The following TMEM117 variants were observed in gnomAD, a reference collection of about 807,000 sequenced individuals.
TMEM117 encodes transmembrane protein 117.
A neutral mutation model predicts 52.4 loss-of-function variants in TMEM117; 27 were observed. The ratio of observed to expected loss-of-function variants is 0.51; its 90% CI spans 0.38 to 0.71. The LOEUF is 0.71. TMEM117 is among the 30% of genes least tolerant of loss of function. The probability of loss-of-function intolerance (pLI) is 0.00; values close to 1 mark genes in which losing one functional copy is unlikely to be tolerated. For synonymous variants in TMEM117, 215 were observed against 206.3 expected, an observed-to-expected ratio of 1.04 and a Z score of -0.36; for missense variants, 556 against 630.5, an observed-to-expected ratio of 0.88 and a Z score of 1.26.
intron 3 of TMEM117, among the ~76,000 whole-genome samples, chr12:44,092,806 A>C (rs538169954): frequency 2.6e-4 from 40 of 152,302 alleles, no homozygotes; most frequent in African/African-American, 8.2e-4. Flanking sequence ...CAGGGGGTGA[A>C]CCATACAAGG....
intron 5 of TMEM117, among the ~76,000 whole-genome samples, chr12:44,239,033 T>C (rs1465823257): frequency 3.3e-5 from 5 of 152,172 alleles, no homozygotes; most frequent in Admixed American, 2.0e-4. Flanking sequence ...TCTGCATTAA[T>C]ATAGGTTTCT....
rs191203162 is a variant in TMEM117, at chr12:44,187,095, C to T, written c.511-24195C>T. Among the ~76,000 whole-genome samples the T allele has an allele frequency of 2.6e-3, 392 of 152,224 alleles. 3 individuals are homozygous for T. Among genetic ancestry groups the T allele is most frequent in the African/African-American group, 8.9e-3 (370 of 41,540 alleles). The stretch of plus-strand genomic sequence containing the variant: ...CTCAAGGCAGACAAGTTTTCTACTA[C>T]GTATTAGTTTCTTGCACAGATGGAC... On this transcript the variant is annotated intron_variant, in intron 4 of 7. Coordinates refer to ENST00000266534, the MANE Select transcript of TMEM117 (RefSeq NM_032256.3).
At chr12:44,043,086 G>A (rs2137902599) in intron 3 of TMEM117, among the ~76,000 whole-genome samples, 1 of 152,286 alleles carries the variant, frequency 6.6e-6, no homozygotes, top group African/African-American at 2.4e-5. Flanking sequence ...AAGGAGTTTA[G>A]TGACTCCTTG....
chr12:44,250,372 G>A (rs894248444), intron 5 of TMEM117, among the ~76,000 whole-genome samples: 10 of 152,022 alleles, frequency 6.6e-5, no homozygotes, highest in African/African-American at 2.2e-4. Flanking sequence ...AAATAGGAAC[G>A]CTTTTACACT....
At chr12:43,895,829 C>T (rs994834612) in intron 2 of TMEM117, among the ~76,000 whole-genome samples, 4 of 152,144 alleles carry the variant, frequency 2.6e-5, no homozygotes, top group Non-Finnish European at 5.9e-5. Flanking sequence ...CTTAAACTTA[C>T]CCTTCCTTTT....
chr12:44,202,793 CTT>C (rs1555132515), intron 4 of TMEM117, among the ~76,000 whole-genome samples: 25 of 142,804 alleles, frequency 1.8e-4, no homozygotes, highest in Non-Finnish European at 2.5e-4. Flanking sequence ...GAAGTGGTAG[CTT>C]TTTTTTTTTT....
rs563342961 is a variant in TMEM117, at chr12:44,050,332, A to G, written c.411-93193A>G. ...GCTGGGATTACAAGCGTGTACCACC[A>G]CGCCTGGCTAATTTTTGCATTTTTA... On this transcript the variant is annotated intron_variant, in intron 3 of 7. Transcript: ENST00000266534. 5.9e-5 allele frequency among the ~76,000 whole-genome samples: 9 copies of G among 152,166 alleles called. No individual in the cohort carries two copies. In the South Asian group the frequency reaches 1.9e-3, roughly 32 times the overall value.
chr12:43,956,387 T>C (rs1190009111), intron 3 of TMEM117, among the ~76,000 whole-genome samples: 3 of 151,364 alleles, frequency 2.0e-5, no homozygotes, highest in Non-Finnish European at 4.4e-5. Flanking sequence ...CTTTGCAATC[T>C]ATCCATCTGA....
chr12:44,167,338 C>T (rs753139660), intron 4 of TMEM117, among the ~76,000 whole-genome samples: 1 of 152,092 alleles, frequency 6.6e-6, no homozygotes, highest in African/African-American at 2.4e-5. Context: ...CCTTTTGCCC[C>T]AAGTTGAATA....
intron 4 of TMEM117, among the ~76,000 whole-genome samples, chr12:44,144,487 G>A (rs756435047): frequency 3.9e-5 from 6 of 152,180 alleles, no homozygotes; most frequent in Non-Finnish European, 7.4e-5. Flanking sequence ...ACAAGACTTG[G>A]CATGGACATG....
intron 3 of TMEM117, among the ~76,000 whole-genome samples, chr12:44,042,434 G>A (rs1031372590): frequency 6.6e-6 from 1 of 151,922 alleles, no homozygotes; most frequent in African/African-American, 2.4e-5. Context: ...AGGATACAAA[G>A]TATTGATCCT....
At chr12:44,352,343 G>A (rs1036159451) in intron 6 of TMEM117, among the ~76,000 whole-genome samples, 14 of 151,928 alleles carry the variant, frequency 9.2e-5, no homozygotes, top group African/African-American at 3.1e-4. Context: ...TGTGCACAAC[G>A]TGCAGGTTTG....
intron 4 of TMEM117, among the ~76,000 whole-genome samples, chr12:44,170,408 C>T (rs972291724): frequency 6.6e-6 from 1 of 151,866 alleles, no homozygotes; most frequent in Non-Finnish European, 1.5e-5. Flanking sequence ...CAAACCTGCA[C>T]GTTGTGCATG....
chr12:43,903,900 T>C (rs561342598), intron 2 of TMEM117, among the ~76,000 whole-genome samples: 1 of 152,176 alleles, frequency 6.6e-6, no homozygotes, highest in African/African-American at 2.4e-5. Context: ...GACTCCTTTA[T>C]GTACTCAAAT....
chr12:44,393,578 A>C (rs1952170393), downstream of TMEM117, among the ~76,000 whole-genome samples: 1 of 144,190 alleles, frequency 6.9e-6, no homozygotes. Context: ...ATTGGAATTC[A>C]GTCTTGTCTG....
At chr12:44,337,139 A>C (rs1436227970) in intron 6 of TMEM117, among the ~76,000 whole-genome samples, 1 of 152,000 alleles carries the variant, frequency 6.6e-6, no homozygotes, top group Non-Finnish European at 1.5e-5. Flanking sequence ...AATAAGAACA[A>C]AAATATTTCC....
At chr12:43,806,385 G>A in the TMEM117 span, 1 of 1,204,584 alleles carries the variant, frequency 8.3e-7, no homozygotes, top group Non-Finnish European at 1.0e-6. Flanking sequence ...CCGTGAGGTT[G>A]ACTGAGTGCC....
the TMEM117 span, chr12:43,800,449 A>C: frequency 6.2e-7 from 1 of 1,612,782 alleles, no homozygotes. Context: ...ACTGTTCCAA[A>C]TACTTCATCT....
chr12:44,203,639 G>T (rs758741889), intron 4 of TMEM117, among the ~76,000 whole-genome samples: 2 of 152,104 alleles, frequency 1.3e-5, no homozygotes, highest in Non-Finnish European at 2.9e-5. Context: ...AGAGATTCTG[G>T]TATGCTCTTT....
Sources: allele counts gnomAD v4.1 joint callset (sites outside exome capture counted in the v4.1 genomes callset), GRCh38; gene constraint gnomAD v4.1.1; transcripts MANE v1.5; gene names NCBI Gene and HGNC (gene_info 2026-07-23, HGNC 2026-07-21).